CANX: variants seen among roughly 807,000 people sequenced by gnomAD.
CANX encodes epididymis secretory sperm binding protein.
In CANX, 14 loss-of-function variants were observed where a neutral mutation model predicts 75.7. That is an observed-to-expected ratio of 0.19 (90% CI 0.12 to 0.29). CANX has a LOEUF of 0.29. CANX is among the 10% of genes least tolerant of loss of function. The probability of loss-of-function intolerance (pLI) is 1.00; values close to 1 mark genes in which losing one functional copy is unlikely to be tolerated. For synonymous variants in CANX, 227 were observed against 236.9 expected, an observed-to-expected ratio of 0.96 and a Z score of 0.38; for missense variants, 567 against 713.2, an observed-to-expected ratio of 0.79 and a Z score of 2.34.
At chr5:179,686,241 G>A (rs1412040147) in intron 1 of CANX, among the ~76,000 whole-genome samples, 1 of 129,932 alleles carries the variant, frequency 7.7e-6, no homozygotes, top group Non-Finnish European at 1.7e-5. Flanking sequence ...GGGATTACAG[G>A]CACGCGCCAC....
At chr5:179,689,471 T>C (rs1776261781) in intron 1 of CANX, among the ~76,000 whole-genome samples, 1 of 146,568 alleles carries the variant, frequency 6.8e-6, no homozygotes, top group African/African-American at 2.5e-5. Flanking sequence ...CACTGCAACT[T>C]CTGCTTCCTG....
In CANX at chr5:179,699,112, G is replaced by A; in HGVS notation, c.-4+10G>A. ...CCCCGGGAGGCTAGAGGTGAGAGGG[G>A]AGACCTGAGCGCGTCCTCGGGCCTG... On this transcript the variant is annotated intron_variant, in intron 1 of 14. Coordinates refer to ENST00000247461, the MANE Select transcript of CANX (RefSeq NM_001746.4). 1 of 1,047,436 alleles carries A rather than the reference G, an allele frequency of 9.5e-7. No individual in the cohort carries two copies. The highest frequency in any genetic ancestry group is 2.6e-5 in the South Asian group (1 of 38,808). 64.9% of individuals were successfully genotyped at this position (1,047,436 alleles called of 1,614,324 possible).
At position 179,716,222 on chromosome 5, in the gene CANX, A is replaced by C. The variant is rs1342844362; in HGVS notation, c.839A>C (p.Glu280Ala). The stretch of plus-strand genomic sequence containing the variant: ...CCTTCACGTGAAATTGAGGACCCAG[A>C]AGACCGGAAGCCCGAGGATTGGGAT... The part of the protein sequence containing the change: ...VNPSREIEDP[E>A]DRKPEDWDER... Residue 280 changes from glutamate (E) to alanine (A), a missense_variant, in exon 8 of 15, where the codon GAA (glutamate) becomes GCA (alanine). Glu to Ala is a moderately radical substitution (Grantham distance 107). This residue lies in a region of CANX where 351 missense variants were observed against 433.8 expected (regional missense o/e 0.81). Coordinates refer to ENST00000247461, the MANE Select transcript of CANX (RefSeq NM_001746.4). 6.2e-7 allele frequency: 1 copy of C among 1,614,204 alleles called. No individual in the cohort carries two copies. The highest frequency in any genetic ancestry group is 8.5e-7 in the Non-Finnish European group (1 of 1,180,012).
At chr5:179,706,546 T>TG (rs202129080) in intron 3 of CANX, among the ~76,000 whole-genome samples, 2,031 of 152,258 alleles carry the variant, frequency 0.013, 36 homozygotes, top group African/African-American at 0.043. Flanking sequence ...TGGGTTCAAG[T>TG]GATTCTCCTG....
rs372089240 is a variant in CANX, at chr5:179,720,400, G to A, written c.1026-4G>A. ...TTTATAATTTGTTGTTTGTACCTCC[G>A]TAGGGATGAAGACATGGATGGAGAA... On this transcript the variant is annotated splice_polypyrimidine_tract_variant and splice_region_variant and intron_variant, in intron 9 of 14. Transcript: ENST00000247461. 24 of 1,613,470 alleles carry A rather than the reference G, an allele frequency of 1.5e-5. No individual in the cohort carries two copies. In the African/African-American group the frequency reaches 2.4e-4, roughly 16 times the overall value.
At chr5:179,688,643 G>A (rs926950622) in intron 1 of CANX, among the ~76,000 whole-genome samples, 3 of 151,138 alleles carry the variant, frequency 2.0e-5, no homozygotes, top group Non-Finnish European at 4.4e-5. Flanking sequence ...GATAACAGGC[G>A]TGAGCCACTG....
At chr5:179,692,002 G>A (rs1485453988) in intron 1 of CANX, among the ~76,000 whole-genome samples, 1 of 150,148 alleles carries the variant, frequency 6.7e-6, no homozygotes, top group African/African-American at 2.5e-5. Context: ...GGACAGTCTC[G>A]ATCTCCTGAC....
intron 1 of CANX, among the ~76,000 whole-genome samples, chr5:179,702,392 TTCCC>T (rs894382563): frequency 1.7e-4 from 26 of 151,800 alleles, no homozygotes; most frequent in East Asian, 5.8e-4. Flanking sequence ...CTCTCCCTTC[TTCCC>T]TCCCTCCCTC....
At chr5:179,692,075 C>T (rs140212314) in intron 1 of CANX, among the ~76,000 whole-genome samples, 1,520 of 142,508 alleles carry the variant, frequency 0.011, 31 homozygotes, top group African/African-American at 0.038. Flanking sequence ...CCACCGTGCC[C>T]GGCCTATTTT....
chr5:179,680,840 C>T, intron 1 of CANX: 2 of 1,519,072 alleles, frequency 1.3e-6, no homozygotes, highest in Non-Finnish European at 1.8e-6. Context: ...TTATCCCTCA[C>T]ATATAGGTGG....
intron 1 of CANX, among the ~76,000 whole-genome samples, chr5:179,702,646 A>G (rs865803912): frequency 1.3e-5 from 2 of 152,058 alleles, no homozygotes; most frequent in African/African-American, 2.4e-5. Context: ...TAGTACTGCT[A>G]TGAACACGGG....
rs1398453182 is a variant in CANX at position 179,719,721 on chromosome 5, G to A, written c.965G>A (p.Gly322Asp). The A allele has an allele frequency of 1.9e-6, 3 of 1,613,248 alleles. No homozygotes were observed. In the African/African-American group the frequency reaches 4.0e-5, roughly 22 times the overall value. ...GATGAAGAGGCCACAAAACCCGAAG[G>A]CTGGTTAGATGATGAGCCTGAGTAC... Reference protein sequence around the residue: ...IPDEEATKPEGWLDDEPEYVP... With the variant: ...IPDEEATKPEDWLDDEPEYVP... Residue 322 changes from glycine (G) to aspartate (D), a missense_variant, in exon 9 of 15, where the codon GGC becomes GAC. This residue lies in a region of CANX where 351 missense variants were observed against 433.8 expected (regional missense o/e 0.81). Coordinates refer to ENST00000247461, the MANE Select transcript of CANX (RefSeq NM_001746.4).
intron 13 of CANX, among the ~76,000 whole-genome samples, chr5:179,726,025 A>G (rs2113283383): frequency 6.6e-6 from 1 of 151,756 alleles, no homozygotes; most frequent in African/African-American, 2.4e-5. Context: ...AAGGTGGCTC[A>G]CGCCTATAAT....
upstream of CANX, among the ~76,000 whole-genome samples, chr5:179,696,619 C>T (rs1776411505): frequency 6.6e-6 from 1 of 152,112 alleles, no homozygotes; most frequent in Non-Finnish European, 1.5e-5. Flanking sequence ...CCCTCTCCAG[C>T]ATTAACCTTT....
intron 1 of CANX, among the ~76,000 whole-genome samples, chr5:179,705,015 C>G (rs184717940): frequency 6.6e-6 from 1 of 151,178 alleles, no homozygotes; most frequent in African/African-American, 2.4e-5. Context: ...TTTTTTGAGA[C>G]GAACTCTTGC....
intron 1 of CANX, among the ~76,000 whole-genome samples, chr5:179,682,587 G>A (rs1365670889): frequency 6.6e-6 from 1 of 151,552 alleles, no homozygotes; most frequent in Non-Finnish European, 1.5e-5. Flanking sequence ...GTGTATGCCT[G>A]TAATCCTAGC....
intron 1 of CANX, among the ~76,000 whole-genome samples, chr5:179,687,072 C>T (rs996635230): frequency 2.6e-5 from 4 of 152,052 alleles, no homozygotes; most frequent in East Asian, 3.9e-4. Flanking sequence ...CCACTGCACC[C>T]GGCCTGCAGT....
intron 7 of CANX, among the ~76,000 whole-genome samples, chr5:179,711,998 T>C (rs1392266669): frequency 6.6e-6 from 1 of 150,456 alleles, no homozygotes; most frequent in African/African-American, 2.4e-5. Flanking sequence ...CTCAGGAGGC[T>C]GAGGCAGGAG....
At chr5:179,696,368 C>A (rs1310240253), upstream of CANX, among the ~76,000 whole-genome samples, 5 of 149,542 alleles carry the variant, frequency 3.3e-5, no homozygotes, top group Non-Finnish European at 7.4e-5. Flanking sequence ...CTCTGCCTCC[C>A]GGGTTCAAGC....
Sources: gnomAD v4.1 joint callset for allele counts (sites outside exome capture counted in the v4.1 genomes callset) on GRCh38, gnomAD v4.1.1 for gene constraint, gnomAD v4.1.1 regional missense constraint, MANE v1.5 for transcripts, NCBI Gene and HGNC (gene_info 2026-07-23, HGNC 2026-07-21) for gene names.